TLE1: variants seen among roughly 807,000 people sequenced by gnomAD.
TLE1 encodes the protein transducin-like enhancer protein 1.
A neutral mutation model predicts 89.8 loss-of-function variants in TLE1; 21 were observed. The observed-to-expected ratio is 0.23, with a 90% confidence interval of 0.17 to 0.34. The LOEUF is 0.34. Among genes scored for constraint, TLE1 ranks in the 10% least tolerant of loss-of-function variants. The pLI is 1.00. For missense variants in TLE1, 795 were observed against 1,031.2 expected (o/e 0.77, Z 3.14); for synonymous variants, 447 against 407.6 (o/e 1.10, Z -1.16).
intron 15 of TLE1, among the ~76,000 whole-genome samples, chr9:81,592,237 A>G (rs972366207): frequency 2.6e-5 from 4 of 152,206 alleles, no homozygotes; most frequent in African/African-American, 4.8e-5. Flanking sequence ...GGGCGCCCGT[A>G]GTCCCAGCTA....
At chr9:81,629,812 G>A (rs940026738) in intron 8 of TLE1, among the ~76,000 whole-genome samples, 4 of 152,058 alleles carry the variant, frequency 2.6e-5, no homozygotes, top group Non-Finnish European at 4.4e-5. Flanking sequence ...GTAAAAATAC[G>A]GTGTTATACA....
At chr9:81,609,844 G>A (rs1328960982) in intron 14 of TLE1, among the ~76,000 whole-genome samples, 1 of 152,220 alleles carries the variant, frequency 6.6e-6, no homozygotes, top group Non-Finnish European at 1.5e-5. Flanking sequence ...GTTCGTGACA[G>A]CTGACTGCCC....
intron 14 of TLE1, among the ~76,000 whole-genome samples, chr9:81,600,632 A>G (rs943521631): frequency 5.3e-5 from 8 of 151,042 alleles, no homozygotes; most frequent in African/African-American, 1.9e-4. Context: ...ATAGACCAAA[A>G]AAAAAAAAAA....
intron 9 of TLE1, 63 bp from the exon 10 acceptor site, chr9:81,616,762 G>T: frequency 6.3e-7 from 1 of 1,587,742 alleles, no homozygotes; most frequent in Non-Finnish European, 8.6e-7. Context: ...GGCACAGTTA[G>T]ATTTCTTTCT....
intron 8 of TLE1, among the ~76,000 whole-genome samples, chr9:81,623,275 C>T (rs1788352367): frequency 6.6e-6 from 1 of 152,016 alleles, no homozygotes; most frequent in South Asian, 2.1e-4. Flanking sequence ...GGGTAGAATA[C>T]AGTCATTTTG....
intron 1 of TLE1, 90 bp from the exon 2 acceptor site, chr9:81,687,524 A>G: frequency 2.1e-6 from 2 of 968,432 alleles, no homozygotes; most frequent in East Asian, 2.6e-5. Flanking sequence ...CGGGTGGGAC[A>G]TAAACATAAA....
chr9:81,654,325 C>CTA (rs1057511878), intron 4 of TLE1, among the ~76,000 whole-genome samples: 35 of 151,832 alleles, frequency 2.3e-4, no homozygotes, highest in South Asian at 4.2e-4. Context: ...AATATGGTGA[C>CTA]TATATATATA....
At chr9:81,620,867 T>A in intron 8 of TLE1, 1 of 778,238 alleles carries the variant, frequency 1.3e-6, no homozygotes. Flanking sequence ...GATGTGTTTT[T>A]ATTCTTTCCC....
At chr9:81,676,335 A>G (rs984244622) in intron 4 of TLE1, among the ~76,000 whole-genome samples, 4 of 152,168 alleles carry the variant, frequency 2.6e-5, no homozygotes, top group Non-Finnish European at 2.9e-5. Flanking sequence ...AAAGAAGCAC[A>G]TGAAAAACCA....
intron 18 of TLE1, among the ~76,000 whole-genome samples, chr9:81,584,924 G>A (rs921019077): frequency 6.6e-6 from 1 of 151,916 alleles, no homozygotes; most frequent in East Asian, 1.9e-4. Context: ...ACATCATATA[G>A]CATGAAGAAA....
chr9:81,686,634 C>T (rs1411214443), intron 2 of TLE1, among the ~76,000 whole-genome samples: 52 of 152,186 alleles, frequency 3.4e-4, no homozygotes, highest in Admixed American at 3.3e-3. Flanking sequence ...GGTAAAACTT[C>T]ATAGGAACAA....
intron 6 of TLE1, among the ~76,000 whole-genome samples, chr9:81,646,408 A>G (rs1828869438): frequency 6.6e-6 from 1 of 152,204 alleles, no homozygotes; most frequent in Admixed American, 6.5e-5. Flanking sequence ...CACTAAATAC[A>G]AGTTAGTAGA....
intron 8 of TLE1, among the ~76,000 whole-genome samples, chr9:81,627,531 C>T (rs1826052768): frequency 1.3e-5 from 2 of 152,078 alleles, no homozygotes; most frequent in Non-Finnish European, 2.9e-5. Flanking sequence ...AGCAGTGATG[C>T]CAACTTTCTC....
At chr9:81,645,134 TG>T (rs2132520908) in intron 6 of TLE1, among the ~76,000 whole-genome samples, 1 of 151,370 alleles carries the variant, frequency 6.6e-6, no homozygotes, top group Admixed American at 6.6e-5. Flanking sequence ...CCAAGGCAGG[TG>T]GATCACCTGA....
At chr9:81,586,461 T>C (rs1039900216) in intron 17 of TLE1, among the ~76,000 whole-genome samples, 1 of 152,224 alleles carries the variant, frequency 6.6e-6, no homozygotes, top group African/African-American at 2.4e-5. Context: ...CGGGAAGTAT[T>C]TGTACATCCA....
At chr9:81,680,249 A>G (rs1462909030) in intron 4 of TLE1, among the ~76,000 whole-genome samples, 3 of 152,132 alleles carry the variant, frequency 2.0e-5, no homozygotes, top group Admixed American at 2.0e-4. Flanking sequence ...AAATGACTTC[A>G]ATGAACTACA....
intron 15 of TLE1, among the ~76,000 whole-genome samples, chr9:81,591,481 G>A (rs1829484292): frequency 6.6e-6 from 1 of 152,144 alleles, no homozygotes; most frequent in Non-Finnish European, 1.5e-5. Context: ...TTCTTGCTAA[G>A]AATTTACCAG....
At chr9:81,674,571 T>C (rs896744172) in intron 4 of TLE1, among the ~76,000 whole-genome samples, 4 of 152,204 alleles carry the variant, frequency 2.6e-5, no homozygotes, top group African/African-American at 9.6e-5. Flanking sequence ...CAAAATTATT[T>C]CTATTTTCTT....
At position 81,631,936 on chromosome 9, in the gene TLE1, G is replaced by A. The variant is rs189215282; in HGVS notation, c.594+1412C>T. Among the ~76,000 whole-genome samples the A allele has an allele frequency of 2.9e-3, 438 of 152,180 alleles. 2 individuals are homozygous for A. The highest frequency in any genetic ancestry group is 9.8e-3 in the African/African-American group (406 of 41,528). On this transcript the variant is annotated intron_variant, in intron 8 of 19. Coordinates refer to ENST00000376499, the MANE Select transcript of TLE1 (RefSeq NM_005077.5). ...TGACCAACATGGAGAAACCCCGTCT[G>A]TACTAAAAATACAAAATTAGCCAGG...
Sources: allele counts gnomAD v4.1 joint callset (sites outside exome capture counted in the v4.1 genomes callset), GRCh38; gene constraint gnomAD v4.1.1; transcripts MANE v1.5; gene names NCBI Gene and HGNC (gene_info 2026-07-23, HGNC 2026-07-21).